Variants in APCDD1 observed in about 807,000 individuals in gnomAD.
APCDD1 encodes the protein APC down-regulated 1, also known as protein APCDD1.
In APCDD1, 15 loss-of-function variants were observed where a neutral mutation model predicts 38.1. The observed-to-expected ratio is 0.39, with a 90% CI of 0.26 to 0.61. The LOEUF (loss-of-function observed/expected upper bound fraction) is 0.61. Ranked by LOEUF, APCDD1 falls within the 20% of genes least tolerant of loss-of-function variation. The pLI, the probability that APCDD1 is intolerant of heterozygous loss-of-function variation, is 0.49. For synonymous variants in APCDD1, 261 were observed against 279.7 expected, an observed-to-expected ratio of 0.93 and a Z score of 0.67; for missense variants, 647 against 696.2, an observed-to-expected ratio of 0.93 and a Z score of 0.79.
In APCDD1 at chr18:10,482,520, C is replaced by T. The variant is rs185689344; in HGVS notation, c.775-2942C>T. ...TGATGGTACGAGTGCTTCATGTGGCCTCTCTTATTTCAGCATGTGCTGGGC... is the reference window on the plus strand; with the variant it reads ...TGATGGTACGAGTGCTTCATGTGGCTTCTCTTATTTCAGCATGTGCTGGGC... On this transcript the variant is annotated intron_variant, in intron 3 of 4. Coordinates refer to ENST00000355285, the MANE Select transcript of APCDD1 (RefSeq NM_153000.5). 2.2e-3 allele frequency among the ~76,000 whole-genome samples: 337 copies of T among 152,316 alleles called. 2 individuals are homozygous for T. The highest frequency in any genetic ancestry group is 7.7e-3 in the African/African-American group (319 of 41,568).
At chr18:10,464,630 A>G (rs1156395133) in intron 1 of APCDD1, among the ~76,000 whole-genome samples, 1 of 152,154 alleles carries the variant, frequency 6.6e-6, no homozygotes, top group Non-Finnish European at 1.5e-5. Context: ...TACCTTGCCC[A>G]TGCTGGTCTC....
At chr18:10,479,253 A>G (rs2031078895) in intron 3 of APCDD1, among the ~76,000 whole-genome samples, 1 of 152,238 alleles carries the variant, frequency 6.6e-6, no homozygotes, top group South Asian at 2.1e-4. Flanking sequence ...CCGAGGGAAC[A>G]AAACCCTAGG....
rs202163719 is a variant in APCDD1 at position 10,463,535 on chromosome 18, G to A, written c.59-4934G>A. Among the ~76,000 whole-genome samples, 8 of 152,128 alleles carry A rather than the reference G, an allele frequency of 5.3e-5. 1 individual carries two copies. Among genetic ancestry groups the A allele is most frequent in the South Asian group, 4.1e-4 (2 of 4,826 alleles). ...TGAGAAGGAAGCTTTGGGGTTTACC[G>A]GTCTAACTTTTATGCTTGGCCTCTG... On this transcript the variant is annotated intron_variant, in intron 1 of 4. Coordinates refer to ENST00000355285, the MANE Select transcript of APCDD1 (RefSeq NM_153000.5).
chr18:10,455,721 A>G (rs2030364185), intron 1 of APCDD1, among the ~76,000 whole-genome samples: 1 of 152,218 alleles, frequency 6.6e-6, no homozygotes, highest in Non-Finnish European at 1.5e-5. Context: ...CTGGGCTTCC[A>G]GTGCCACTTT....
Position 10,454,684 on chromosome 18 carries a change from C to A in APCDD1, c.-298C>A, listed in dbSNP as rs1359523473. On this transcript the variant is annotated 5_prime_UTR_variant, in exon 1 of 5. Transcript: ENST00000355285. The stretch of plus-strand genomic sequence containing the variant: ...CGGTGGCGGCCACTGCAGCTCAGAG[C>A]GGCGCACGCGGCGGCCGGGGCGGGA... 2 of 986,044 alleles carry A rather than the reference C, an allele frequency of 2.0e-6. No homozygotes were observed. Among genetic ancestry groups the A allele is most frequent in the Non-Finnish European group, 2.4e-6 (2 of 831,316 alleles). 61.1% of individuals were successfully genotyped at this position (986,044 alleles called of 1,614,324 possible).
intron 3 of APCDD1, among the ~76,000 whole-genome samples, chr18:10,481,890 C>A (rs2031148334): frequency 6.6e-6 from 1 of 152,146 alleles, no homozygotes; most frequent in African/African-American, 2.4e-5. Context: ...GGAACAGCAA[C>A]ACTTCAGCCA....
At chr18:10,461,533 G>C (rs2030540863) in intron 1 of APCDD1, among the ~76,000 whole-genome samples, 1 of 152,150 alleles carries the variant, frequency 6.6e-6, no homozygotes, top group South Asian at 2.1e-4. Flanking sequence ...TCAATCAAGA[G>C]TGCCTCTGTA....
rs139190932 is a variant in APCDD1 at position 10,481,949 on chromosome 18, G to A, written c.775-3513G>A. ...CCAAGTCCCACTGGGTCCTCGTCTC[G>A]GAGCTCAGGACCCCGGCCTCATTAT... On this transcript the variant is annotated intron_variant, in intron 3 of 4. Coordinates refer to ENST00000355285, the MANE Select transcript of APCDD1 (RefSeq NM_153000.5). 3.4e-3 allele frequency among the ~76,000 whole-genome samples: 523 copies of A among 152,178 alleles called. 4 individuals are homozygous for A. The highest frequency in any genetic ancestry group is 9.9e-3 in the African/African-American group (409 of 41,498).
chr18:10,474,325 A>T (rs1008104772), intron 3 of APCDD1: 3 of 152,274 alleles, frequency 2.0e-5, no homozygotes, highest in Admixed American at 1.3e-4. Context: ...AGCCAGGAGC[A>T]TCCCCGCAAC....
At chr18:10,468,718 G>C in intron 2 of APCDD1, 66 bp downstream of exon 2, 1 of 1,529,546 alleles carries the variant, frequency 6.5e-7, no homozygotes, top group Non-Finnish European at 9.0e-7. Flanking sequence ...CCTTCTTATG[G>C]GTTCTCAGAT....
chr18:10,461,842 T>A (rs2030549742), intron 1 of APCDD1, among the ~76,000 whole-genome samples: 1 of 152,200 alleles, frequency 6.6e-6, no homozygotes, highest in Non-Finnish European at 1.5e-5. Flanking sequence ...TCTAGAATCT[T>A]CAACTAATCA....
Position 10,460,543 on chromosome 18 carries a change from A to C in APCDD1, c.58+5504A>C, listed in dbSNP as rs558184033. Among the ~76,000 whole-genome samples, 9 of 151,818 alleles carry C rather than the reference A, an allele frequency of 5.9e-5. No homozygotes were observed. The South Asian group carries it at 1.0e-3, about 18-fold the overall frequency. On this transcript the variant is annotated intron_variant, in intron 1 of 4. Transcript: ENST00000355285. ...GCAAGACTCTGTCTCAAAAAAAAAA[A>C]AACAAAAAACAAACAAGCAAAAAAA...
chr18:10,457,005 T>TA (rs34612772), intron 1 of APCDD1, among the ~76,000 whole-genome samples: 25,184 of 152,074 alleles, frequency 0.17, 2,095 homozygotes, highest in Middle Eastern at 0.27. Context: ...GAAGATAAGA[T>TA]AAAAAGGGAG....
At chr18:10,459,979 A>G (rs2030489676) in intron 1 of APCDD1, among the ~76,000 whole-genome samples, 1 of 152,246 alleles carries the variant, frequency 6.6e-6, no homozygotes, top group Non-Finnish European at 1.5e-5. Context: ...TGATATTTTG[A>G]CATTATACTT....
At chr18:10,482,153 C>T (rs1262239846) in intron 3 of APCDD1, among the ~76,000 whole-genome samples, 1 of 152,302 alleles carries the variant, frequency 6.6e-6, no homozygotes, top group South Asian at 2.1e-4. Context: ...TCTCTCCCAC[C>T]CCCACCTTAG....
Position 10,471,741 on chromosome 18 carries a change from G to A in APCDD1, c.454G>A (p.Val152Met). The part of the protein sequence containing the change: ...EADYQLHNVQ[V>M]ICHTEAVAEK... ...CGACTACCAGCTGCACAACGTCCAG[G>A]TGATCTGCCACACAGAGGCGGTGGC... is the stretch of plus-strand genomic sequence containing the variant. The change falls in exon 3 of 5, where the codon GTG becomes ATG. Residue 152 changes from valine (V) to methionine (M), a missense_variant. Coordinates refer to ENST00000355285, the MANE Select transcript of APCDD1 (RefSeq NM_153000.5). This position sits in a 1 kb window ranked among gnomAD's most constrained non-coding sequence, Gnocchi z 5.5. 6.2e-7 allele frequency: 1 copy of A among 1,614,100 alleles called. No homozygotes were observed. The highest frequency in any genetic ancestry group is 8.5e-7 in the Non-Finnish European group (1 of 1,180,016).
At chr18:10,462,595 T>TG (rs2030587055) in intron 1 of APCDD1, among the ~76,000 whole-genome samples, 1 of 4,250 alleles carries the variant, frequency 2.4e-4, no homozygotes, top group Non-Finnish European at 4.0e-4. Flanking sequence ...CCCTCCCTCC[T>TG]TCCTTCCTTC....
intron 3 of APCDD1, among the ~76,000 whole-genome samples, chr18:10,478,065 C>T (rs1219480867): frequency 2.0e-5 from 3 of 152,158 alleles, no homozygotes; most frequent in African/African-American, 7.2e-5. Flanking sequence ...TAATGTTGCT[C>T]TTAAGGACCT....
Position 10,487,767 on chromosome 18 carries a change from T to G in APCDD1, c.1274T>G (p.Phe425Cys). The G allele has an allele frequency of 6.2e-7, 1 of 1,614,068 alleles. No individual in the cohort carries two copies. Among genetic ancestry groups the G allele is most frequent in the Non-Finnish European group, 8.5e-7 (1 of 1,180,022 alleles). Residue 425 changes from phenylalanine (F) to cysteine (C), a missense_variant, in exon 5 of 5, where the codon TTC becomes TGC. Physicochemically the swap from Phe to Cys is radical, Grantham distance 205. Transcript: ENST00000355285. Reference protein sequence around the residue: ...IKLPHTEYEIFKMEQDARGRY... With the variant: ...IKLPHTEYEICKMEQDARGRY... ...CTACCTCACACGGAGTACGAGATCT[T>G]CAAAATGGAACAGGATGCCCGGGGG...
Sources: allele counts gnomAD v4.1 joint callset (sites outside exome capture counted in the v4.1 genomes callset), GRCh38; gene constraint gnomAD v4.1.1; non-coding constraint Gnocchi (gnomAD v3.1); transcripts MANE v1.5; gene names NCBI Gene and HGNC (gene_info 2026-07-23, HGNC 2026-07-21).